The following NREP variants were observed in gnomAD, a reference collection of about 807,000 sequenced individuals.
The protein encoded by NREP is neuronal regeneration-related protein.
NREP carries 5 observed loss-of-function variants against 8.6 expected under a neutral mutation model. The observed-to-expected ratio is 0.58, with a 90% CI of 0.30 to 1.22. The LOEUF is 1.22. NREP is among the 50% of genes most tolerant of loss of function. The probability of loss-of-function intolerance (pLI) is 0.07; values close to 1 mark genes in which losing one functional copy is unlikely to be tolerated. For missense variants in NREP, 86 were observed against 82.5 expected (o/e 1.04, Z -0.17); for synonymous variants, 27 against 28.0 (o/e 0.96, Z 0.11).
At chr5:111,961,897 TATAAC>T (rs1412470449) in intron 2 of NREP, among the ~76,000 whole-genome samples, 6 of 152,238 alleles carry the variant, frequency 3.9e-5, no homozygotes, top group Non-Finnish European at 7.3e-5. Context: ...CATGTAGAAT[TATAAC>T]AGAAGTATTG....
rs1393446695 is a variant in NREP, at chr5:111,729,931, CA to C, written c.*989del. 2.6e-5 allele frequency: 4 copies of C among 152,372 alleles called. No homozygotes were observed. The highest frequency in any genetic ancestry group is 1.9e-4 in the East Asian group (1 of 5,172). 9.4% of individuals were successfully genotyped at this position (152,372 alleles called of 1,614,324 possible). Reference sequence around the variant, plus strand: ...GATGCCAGTGTTTTGGGTTTTTTTCCAGGGGGAGTTTATTTAAAACGGTTTT... The same window carrying C: ...GATGCCAGTGTTTTGGGTTTTTTTCCGGGGGAGTTTATTTAAAACGGTTTT... On this transcript the variant is annotated 3_prime_UTR_variant, in exon 4 of 4. Transcript: ENST00000257435.
In NREP at chr5:111,925,063, C is replaced by T. The variant is rs6885554; in HGVS notation, c.135+50211G>A. ...TGAGATGCCCTTCACAATCGTGCTACGGGAAGAGGGGAAGCCTGGATTGGA... is the reference window on the plus strand; with the variant it reads ...TGAGATGCCCTTCACAATCGTGCTATGGGAAGAGGGGAAGCCTGGATTGGA... On this transcript the variant is annotated intron_variant, in intron 2 of 3. Transcript: ENST00000395634. Among the ~76,000 whole-genome samples the T allele has an allele frequency of 2.5e-3, 380 of 152,154 alleles. 3 individuals carry two copies. Among genetic ancestry groups the T allele is most frequent in the African/African-American group, 8.3e-3 (344 of 41,524 alleles).
At chr5:111,907,212 T>C (rs2112557386) in intron 2 of NREP, among the ~76,000 whole-genome samples, 1 of 152,260 alleles carries the variant, frequency 6.6e-6, no homozygotes, top group Admixed American at 6.5e-5. Flanking sequence ...GGCATCAATT[T>C]TTTCTTACAT....
In NREP at chr5:111,755,834, C is replaced by A. The variant is rs186557054; in HGVS notation, c.-58-4G>T. 6.2e-7 allele frequency: 1 copy of A among 1,613,546 alleles called. No individual in the cohort carries two copies. Among genetic ancestry groups the A allele is most frequent in the African/African-American group, 1.3e-5 (1 of 75,012 alleles). On this transcript the variant is annotated splice_region_variant and splice_polypyrimidine_tract_variant and intron_variant, in intron 1 of 3. Coordinates refer to ENST00000257435, the MANE Select transcript of NREP (RefSeq NM_004772.4). ...TCTTCAGTCCAGGGAGACCAACCTGCAAAATATGTTTAAATACAGTAGACA... is the reference window on the plus strand; with the variant it reads ...TCTTCAGTCCAGGGAGACCAACCTGAAAAATATGTTTAAATACAGTAGACA...
chr5:111,795,945 C>T (rs1475660748), intron 2 of NREP, among the ~76,000 whole-genome samples: 2 of 152,162 alleles, frequency 1.3e-5, no homozygotes, highest in Admixed American at 1.3e-4. Flanking sequence ...AACAGCAAAG[C>T]CTGAATTCTT....
chr5:111,907,854 T>C (rs1190960076), intron 2 of NREP, among the ~76,000 whole-genome samples: 5 of 152,054 alleles, frequency 3.3e-5, no homozygotes, highest in African/African-American at 1.2e-4. Context: ...TCCATGGAAT[T>C]CTTTGCTTAC....
intron 2 of NREP, among the ~76,000 whole-genome samples, chr5:111,858,923 A>G (rs1041189796): frequency 1.6e-4 from 24 of 152,036 alleles, no homozygotes; most frequent in African/African-American, 5.6e-4. Flanking sequence ...ATTCATTCCC[A>G]TTTACCACCA....
At chr5:111,753,500 T>G (rs1411714770) in intron 2 of NREP, among the ~76,000 whole-genome samples, 1 of 151,950 alleles carries the variant, frequency 6.6e-6, no homozygotes, top group Admixed American at 6.6e-5. Flanking sequence ...AAAGTCTAGA[T>G]ATTGAGTCAC....
chr5:111,866,616 A>G (rs939935550), intron 2 of NREP, among the ~76,000 whole-genome samples: 2 of 152,026 alleles, frequency 1.3e-5, no homozygotes, highest in African/African-American at 4.8e-5. Context: ...AACTAGAAAT[A>G]CCGTTTGACC....
intron 2 of NREP, among the ~76,000 whole-genome samples, chr5:111,934,752 A>G (rs1156750400): frequency 6.6e-6 from 1 of 152,116 alleles, no homozygotes; most frequent in Non-Finnish European, 1.5e-5. Flanking sequence ...CCCAGTGGGA[A>G]GCTCTGCTAA....
chr5:111,756,507 A>G (rs1189272494), intron 1 of NREP, among the ~76,000 whole-genome samples: 2 of 152,212 alleles, frequency 1.3e-5, no homozygotes, highest in African/African-American at 4.8e-5. Flanking sequence ...GTTCTCAAAA[A>G]GGGTATCATT....
chr5:111,938,484 A>T (rs370091098), intron 2 of NREP, among the ~76,000 whole-genome samples: 2 of 152,078 alleles, frequency 1.3e-5, no homozygotes, highest in African/African-American at 4.8e-5. Flanking sequence ...AAATTTCAAG[A>T]TTCATTTTCT....
At chr5:111,832,484 T>C (rs560196046) in intron 2 of NREP, among the ~76,000 whole-genome samples, 23 of 152,196 alleles carry the variant, frequency 1.5e-4, no homozygotes, top group African/African-American at 5.3e-4. Context: ...TGAGCGGACA[T>C]AGCATCACTG....
chr5:111,769,099 T>C (rs1751155582), intron 2 of NREP, among the ~76,000 whole-genome samples: 1 of 152,228 alleles, frequency 6.6e-6, no homozygotes, highest in Admixed American at 6.5e-5. Flanking sequence ...TTGATTTGCA[T>C]TTCTTTGATG....
chr5:111,748,179 C>T (rs554473090), intron 2 of NREP, among the ~76,000 whole-genome samples: 194 of 152,260 alleles, frequency 1.3e-3, no homozygotes, highest in African/African-American at 4.5e-3. Context: ...CAAAGGAGTG[C>T]AAAAGAATGG....
intron 2 of NREP, among the ~76,000 whole-genome samples, chr5:111,808,777 T>C (rs1752201557): frequency 6.6e-6 from 1 of 152,188 alleles, no homozygotes; most frequent in South Asian, 2.1e-4. Flanking sequence ...TGATAACCTT[T>C]ATTGTCCAGT....
In NREP at chr5:111,967,036, T is replaced by C. The variant is rs144523855; in HGVS notation, c.135+8238A>G. On this transcript the variant is annotated intron_variant, in intron 2 of 3. Coordinates refer to the NREP transcript ENST00000395634. Reference sequence around the variant, plus strand: ...TCTAAAGACATTTTTATTTGTGCTGTTGTCAAACAAAATGCCCATTTGGGG... The same window carrying C: ...TCTAAAGACATTTTTATTTGTGCTGCTGTCAAACAAAATGCCCATTTGGGG... Among the ~76,000 whole-genome samples, 22 of 152,318 alleles carry C rather than the reference T, an allele frequency of 1.4e-4. No homozygotes were observed. In the East Asian group the frequency reaches 2.1e-3, roughly 15 times the overall value.
intron 2 of NREP, among the ~76,000 whole-genome samples, chr5:111,862,337 G>C (rs973463155): frequency 6.6e-6 from 1 of 152,194 alleles, no homozygotes; most frequent in Non-Finnish European, 1.5e-5. Flanking sequence ...ACATATGTCA[G>C]ATAGCAGGGA....
intron 2 of NREP, among the ~76,000 whole-genome samples, chr5:111,966,267 A>G (rs1477133616): frequency 6.6e-6 from 1 of 152,218 alleles, no homozygotes; most frequent in Non-Finnish European, 1.5e-5. Flanking sequence ...CAGATTGTGA[A>G]AGACCAGAAA....
Sources: allele counts gnomAD v4.1 joint callset (sites outside exome capture counted in the v4.1 genomes callset), GRCh38; gene constraint gnomAD v4.1.1; transcripts MANE v1.5; gene names NCBI Gene and HGNC (gene_info 2026-07-23, HGNC 2026-07-21).